Variants in QTRT1 observed in about 807,000 individuals in gnomAD.
The protein encoded by QTRT1 is queuine tRNA-ribosyltransferase catalytic subunit 1.
Under a neutral mutation model 44.0 loss-of-function variants are expected in QTRT1, and 41 were observed. The observed-to-expected ratio is 0.93, with a 90% CI of 0.73 to 1.21. QTRT1 has a LOEUF of 1.21. Ranked by LOEUF, QTRT1 falls within the 50% of genes most tolerant of loss-of-function variation. The pLI is 0.00. For synonymous variants in QTRT1, 226 were observed against 237.1 expected (o/e 0.95, Z 0.43); for missense variants, 542 against 575.8 (o/e 0.94, Z 0.60).
In QTRT1 at chr19:10,712,584, C is replaced by T. The variant is rs757510609; in HGVS notation, c.817C>T (p.Leu273Phe). Residue 273 changes from leucine to phenylalanine, a missense_variant, in exon 7 of 10, where the codon CTT becomes TTT. By Grantham distance (22) the Leu-to-Phe change is conservative (BLOSUM62 0). Coordinates refer to ENST00000250237, the MANE Select transcript of QTRT1 (RefSeq NM_031209.3). The surrounding 1 kb of genome is among the most constrained non-coding windows in gnomAD (Gnocchi z 5.6). Reference protein sequence around the residue: ...YATDLVVCVALGCDMFDCVFP... With the variant: ...YATDLVVCVAFGCDMFDCVFP... The stretch of plus-strand genomic sequence containing the variant: ...CACTGATCTGGTAGTCTGCGTGGCT[C>T]TTGGATGTGACATGTTCGACTGCGT... 6.2e-7 allele frequency: 1 copy of T among 1,613,292 alleles called. No homozygotes were observed. Among genetic ancestry groups the T allele is most frequent in the Non-Finnish European group, 8.5e-7 (1 of 1,179,850 alleles).
chr19:10,705,902 C>G (rs1240110422), intron 3 of QTRT1, among the ~76,000 whole-genome samples: 5 of 117,656 alleles, frequency 4.2e-5, no homozygotes. Flanking sequence ...GTCACTCAGG[C>G]TGGAGTGTAG....
At chr19:10,710,370 G>A (rs1781852246) in intron 5 of QTRT1, among the ~76,000 whole-genome samples, 1 of 151,940 alleles carries the variant, frequency 6.6e-6, no homozygotes, top group Non-Finnish European at 1.5e-5. Context: ...AGGCTGGAGT[G>A]CAGTGGCACC....
chr19:10,705,561 A>G (rs981045829), intron 3 of QTRT1, among the ~76,000 whole-genome samples: 1 of 149,654 alleles, frequency 6.7e-6, no homozygotes, highest in African/African-American at 2.5e-5. Flanking sequence ...TTTGAGACAC[A>G]ATCTCGCTCT....
intron 5 of QTRT1, chr19:10,711,276 A>T (rs2068737849): frequency 6.6e-6 from 1 of 151,940 alleles, no homozygotes; most frequent in Admixed American, 6.6e-5. Context: ...GGTTCAAGCG[A>T]TTCTTCTGCC....
Position 10,707,163 on chromosome 19 carries a change from C to G in QTRT1, c.452-139C>G, listed in dbSNP as rs545918772. On this transcript the variant is annotated intron_variant, in intron 3 of 9. Coordinates refer to ENST00000250237, the MANE Select transcript of QTRT1 (RefSeq NM_031209.3). ...CCTTCTGGCTGCTGTATAAACAGAC[C>G]GGGAAAGTCACGTGGGAGTTAGCAA... The G allele has an allele frequency of 1.3e-5, 10 of 793,504 alleles. No individual in the cohort carries two copies. In the East Asian group the frequency reaches 2.3e-4, roughly 18 times the overall value. 49.2% of individuals were successfully genotyped at this position (793,504 alleles called of 1,614,324 possible). A position where few individuals can be genotyped will look rare whatever the true frequency, so the allele number is the denominator to read the frequency against.
chr19:10,705,036 C>T (rs542798211), intron 3 of QTRT1, among the ~76,000 whole-genome samples: 7 of 151,428 alleles, frequency 4.6e-5, no homozygotes, highest in African/African-American at 1.7e-4. Flanking sequence ...CTGCCTCAGC[C>T]TCCCCAGCAG....
chr19:10,701,497 G>T lies in QTRT1; in HGVS notation c.37G>T (p.Ala13Ser). The change falls in exon 1 of 10, where the codon GCC becomes TCC. Residue 13 changes from alanine to serine, a missense_variant. Coordinates refer to ENST00000250237, the MANE Select transcript of QTRT1 (RefSeq NM_031209.3). The part of the protein sequence containing the change: ...GAATQASLES[A>S]PRIMRLVAEC... ...AGCTACCCAGGCTTCCCTGGAGTCG[G>T]CCCCACGGATCATGCGGCTGGTGGC... 6.3e-7 allele frequency: 1 copy of T among 1,582,702 alleles called. No homozygotes were observed. Among genetic ancestry groups the T allele is most frequent in the Non-Finnish European group, 8.6e-7 (1 of 1,161,124 alleles).
At position 10,713,174 on chromosome 19, in the gene QTRT1, C is replaced by T. The variant is rs139740339; in HGVS notation, c.1116C>T (p.Phe372=). ...TSIVEKRFPD[F]VRDFMGAMYG... ...TCGTGGAGAAGCGCTTCCCGGACTT[C>T]GTGCGGGACTTCATGGGCGCCATGT... Residue 372 remains phenylalanine (F), a synonymous_variant, in exon 10 of 10, where the codon TTC becomes TTT. Transcript: ENST00000250237. The surrounding 1 kb of genome is among the most constrained non-coding windows in gnomAD (Gnocchi z 4.3). 329 of 1,609,636 alleles carry T rather than the reference C, an allele frequency of 2.0e-4. No homozygotes were observed. In the African/African-American group the frequency reaches 3.8e-3, roughly 19 times the overall value.
In QTRT1 at chr19:10,702,261, G is replaced by A. The variant is rs1187066899; in HGVS notation, c.451+7G>A. ...CAGATCCAGAATGCGCTGGGTGAGA[G>A]GACCCTGGGGAGCCGCCTCCTTACC... On this transcript the variant is annotated splice_region_variant and intron_variant, in intron 3 of 9. Transcript: ENST00000250237. The A allele has an allele frequency of 5.6e-6, 9 of 1,612,780 alleles. No homozygotes were observed. Among genetic ancestry groups the A allele is most frequent in the Non-Finnish European group, 7.6e-6 (9 of 1,179,302 alleles).
chr19:10,712,687 G>C lies in QTRT1; in HGVS notation c.861+59G>C. ...GACGGGTGGGGGACTAGGGAGGCAA[G>C]GTTAGGGGTGGGGGGTGGGGAGAAT... is the stretch of plus-strand genomic sequence containing the variant. On this transcript the variant is annotated intron_variant, in intron 7 of 9. Coordinates refer to ENST00000250237, the MANE Select transcript of QTRT1 (RefSeq NM_031209.3). This position sits in a 1 kb window ranked among gnomAD's most constrained non-coding sequence, Gnocchi z 5.6. 1.2e-6 allele frequency: 1 copy of C among 804,196 alleles called. No individual in the cohort carries two copies. Among genetic ancestry groups the C allele is most frequent in the South Asian group, 1.3e-5 (1 of 76,192 alleles). The allele number at this position is 804,196 out of a possible 1,614,324, so 49.8% of individuals were successfully genotyped here.
In QTRT1 at chr19:10,713,092, C is replaced by T. The variant is rs1381489468; in HGVS notation, c.1060-26C>T. 1.2e-6 allele frequency: 2 copies of T among 1,608,628 alleles called. No individual in the cohort carries two copies. The highest frequency in any genetic ancestry group is 3.3e-5 in the Admixed American group (2 of 59,970). ...GCGGGGGTGTCCTAGGTGCGTATGC[C>T]CCACGCTGACCTCCCCTCCCCGCAG... is the stretch of plus-strand genomic sequence containing the variant. On this transcript the variant is annotated intron_variant, in intron 9 of 9. Transcript: ENST00000250237. The surrounding 1 kb of genome is among the most constrained non-coding windows in gnomAD (Gnocchi z 4.3).
chr19:10,707,454 C>T, intron 4 of QTRT1, 46 bp from the exon 5 acceptor site: 2 of 1,608,320 alleles, frequency 1.2e-6, no homozygotes, highest in Non-Finnish European at 1.7e-6. Flanking sequence ...TTGTCTCCTA[C>T]CCCCTCACCA....
At position 10,713,290 on chromosome 19, in the gene QTRT1, G is replaced by T; in HGVS notation, c.*20G>T. On this transcript the variant is annotated 3_prime_UTR_variant, in exon 10 of 10. Coordinates refer to ENST00000250237, the MANE Select transcript of QTRT1 (RefSeq NM_031209.3). The surrounding 1 kb of genome is among the most constrained non-coding windows in gnomAD (Gnocchi z 4.3). ...GGCTGACCTGGCATTGGGAGAGGGA[G>T]GGAGGAAGGAAGGGAGGGAGGGGCT... The T allele has an allele frequency of 6.3e-7, 1 of 1,580,340 alleles. No homozygotes were observed.
chr19:10,711,037 G>T (rs900463599), intron 5 of QTRT1: 1 of 152,102 alleles, frequency 6.6e-6, no homozygotes, highest in Non-Finnish European at 1.5e-5. Flanking sequence ...CGTCATCTAG[G>T]TTTTAAGCCC....
chr19:10,713,207 TCCCAC>T lies in QTRT1; in HGVS notation c.1152_1156del (p.Thr385LeufsTer7), dbSNP rs2068748136. The T allele has an allele frequency of 6.2e-7, 1 of 1,607,818 alleles. No individual in the cohort carries two copies. The highest frequency in any genetic ancestry group is 1.7e-5 in the Admixed American group (1 of 59,658). On this transcript the variant is annotated frameshift_variant, in exon 10 of 10. Transcript: ENST00000250237. LOFTEE classifies it high-confidence loss of function. The surrounding 1 kb of genome is among the most constrained non-coding windows in gnomAD (Gnocchi z 4.3). ...ACTTCATGGGCGCCATGTACGGGGATCCCACCCTCTGTCCCACCTGGGCCACTGAC... is the reference window on the plus strand; with the variant it reads ...ACTTCATGGGCGCCATGTACGGGGATCCTCTGTCCCACCTGGGCCACTGAC...
chr19:10,712,611 T>C lies in QTRT1; in HGVS notation c.844T>C (p.Phe282Leu), dbSNP rs933925437. ...TGGATGTGACATGTTCGACTGCGTC[T>C]TCCCCACACGGACAGCGGTGAGGCT... ...ALGCDMFDCV[F>L]PTRTARFGSA... Residue 282 changes from phenylalanine (F) to leucine (L), a missense_variant, in exon 7 of 10, where the codon TTC becomes CTC. Transcript: ENST00000250237. The surrounding 1 kb of genome is among the most constrained non-coding windows in gnomAD (Gnocchi z 5.6). 1 of 1,611,736 alleles carries C rather than the reference T, an allele frequency of 6.2e-7. No individual in the cohort carries two copies. The highest frequency in any genetic ancestry group is 8.5e-7 in the Non-Finnish European group (1 of 1,179,504).
intron 3 of QTRT1, among the ~76,000 whole-genome samples, chr19:10,703,011 C>T (rs1026870423): frequency 1.7e-4 from 25 of 150,646 alleles, no homozygotes; most frequent in African/African-American, 4.4e-4. Context: ...TCAGGTGATC[C>T]GCCTGCCTCG....
chr19:10,707,711 G>C, intron 5 of QTRT1, 96 bp downstream of exon 5: 1 of 856,734 alleles, frequency 1.2e-6, no homozygotes, highest in South Asian at 1.8e-5. Flanking sequence ...ATGTGTAGAA[G>C]GGCACTGCGC....
chr19:10,710,326 A>AT (rs1179992812), intron 5 of QTRT1, among the ~76,000 whole-genome samples: 1 of 151,784 alleles, frequency 6.6e-6, no homozygotes, highest in Non-Finnish European at 1.5e-5. Context: ...TTTATTTTTT[A>AT]TTTTTTTGAG....
Sources: gnomAD v4.1 joint callset for allele counts (sites outside exome capture counted in the v4.1 genomes callset) on GRCh38, gnomAD v4.1.1 for gene constraint, Gnocchi (gnomAD v3.1) non-coding constraint, MANE v1.5 for transcripts, NCBI Gene and HGNC (gene_info 2026-07-23, HGNC 2026-07-21) for gene names.